Variants in ATP2B2 observed in about 807,000 individuals in gnomAD.
ATP2B2 encodes the protein ATPase plasma membrane Ca2+ transporting 2, also known as plasma membrane calcium-transporting ATPase 2.
In ATP2B2, 15 loss-of-function variants were observed where a neutral mutation model predicts 120.0. The ratio of observed to expected loss-of-function variants is 0.12; its 90% CI spans 0.08 to 0.19. The LOEUF (loss-of-function observed/expected upper bound fraction) is 0.19. Ranked by LOEUF, ATP2B2 falls within the 10% of genes least tolerant of loss-of-function variation. The probability of loss-of-function intolerance (pLI) is 1.00; values close to 1 mark genes in which losing one functional copy is unlikely to be tolerated. For synonymous variants in ATP2B2, 694 were observed against 700.3 expected, an observed-to-expected ratio of 0.99 and a Z score of 0.14; for missense variants, 1,045 against 1,719.8, an observed-to-expected ratio of 0.61 and a Z score of 6.94.
chr3:10,375,407 G>T lies in ATP2B2; in HGVS notation c.1416+23C>A. 1 of 1,594,114 alleles carries T rather than the reference G, an allele frequency of 6.3e-7. No individual in the cohort carries two copies. The highest frequency in any genetic ancestry group is 8.6e-7 in the Non-Finnish European group (1 of 1,165,730). ...CAGCTGCAGCTGCATCAGCCGGCTG[G>T]TCCTGCTCTCCTCCCCTCTCACCTT... On this transcript the variant is annotated intron_variant, in intron 11 of 22. Coordinates refer to ENST00000360273, the MANE Select transcript of ATP2B2 (RefSeq NM_001001331.4). The surrounding 1 kb of genome is among the most constrained non-coding windows in gnomAD (Gnocchi z 4.2).
chr3:10,580,112 G>A (rs1172071300), intron 2 of ATP2B2, among the ~76,000 whole-genome samples: 1 of 152,090 alleles, frequency 6.6e-6, no homozygotes, highest in African/African-American at 2.4e-5. Flanking sequence ...TGTGGATTAC[G>A]GGCCATGTAT....
At chr3:10,582,709 G>C (rs1311942872) in intron 2 of ATP2B2, among the ~76,000 whole-genome samples, 1 of 152,182 alleles carries the variant, frequency 6.6e-6, no homozygotes, top group Non-Finnish European at 1.5e-5. Context: ...GGTAAGTGTA[G>C]AGTCCCAGAG....
rs372404377 is a variant in ATP2B2 at position 10,386,577 on chromosome 3, A to G, written c.908-65T>C. On this transcript the variant is annotated intron_variant, in intron 6 of 22. Transcript: ENST00000360273. Reference sequence around the variant, plus strand: ...CACACAGCCTCATCTGCCCATGCGCACGCGCACACACACAAACACACATGT... The same window carrying G: ...CACACAGCCTCATCTGCCCATGCGCGCGCGCACACACACAAACACACATGT... 1,637 of 1,545,964 alleles carry G rather than the reference A, an allele frequency of 1.1e-3. 19 individuals are homozygous for G. In the African/African-American group the frequency reaches 0.019, roughly 18 times the overall value.
At chr3:10,614,523 T>G (rs1282320244) in intron 2 of ATP2B2, among the ~76,000 whole-genome samples, 3 of 152,210 alleles carry the variant, frequency 2.0e-5, no homozygotes, top group Non-Finnish European at 4.4e-5. Flanking sequence ...ATCACAAGAT[T>G]AAACATAGAA....
chr3:10,618,855 C>T (rs2069468242), intron 2 of ATP2B2, among the ~76,000 whole-genome samples: 2 of 152,222 alleles, frequency 1.3e-5, no homozygotes, highest in Admixed American at 6.5e-5. Flanking sequence ...GAAGTAACCA[C>T]AGCTAACCTA....
At chr3:10,667,088 C>T (rs2070959854) in intron 1 of ATP2B2, among the ~76,000 whole-genome samples, 1 of 152,216 alleles carries the variant, frequency 6.6e-6, no homozygotes, top group African/African-American at 2.4e-5. Flanking sequence ...GACTGTGTTT[C>T]CTCTCTTGGG....
chr3:10,672,536 A>C (rs1266331007), intron 1 of ATP2B2, among the ~76,000 whole-genome samples: 1 of 152,236 alleles, frequency 6.6e-6, no homozygotes, highest in Non-Finnish European at 1.5e-5. Flanking sequence ...TGCATTCCGC[A>C]CAAGGCAGTT....
chr3:10,625,144 C>T (rs2069660169), intron 1 of ATP2B2, among the ~76,000 whole-genome samples: 1 of 152,224 alleles, frequency 6.6e-6, no homozygotes, highest in South Asian at 2.1e-4. Context: ...ACGTGGTATT[C>T]TGGCTACACA....
intron 2 of ATP2B2, among the ~76,000 whole-genome samples, chr3:10,606,880 A>AACACACACACACACACAC (rs147614282): frequency 1.7e-4 from 17 of 100,080 alleles, no homozygotes; most frequent in Admixed American, 9.8e-4. Context: ...ACGGAGTCTA[A>AACACACACACACACACAC]ACACACACAC....
chr3:10,515,237 C>A (rs1013858922), intron 3 of ATP2B2, among the ~76,000 whole-genome samples: 1 of 152,096 alleles, frequency 6.6e-6, no homozygotes, highest in South Asian at 2.1e-4. Context: ...ACAATACCTG[C>A]AATTATGGGA....
intron 1 of ATP2B2, among the ~76,000 whole-genome samples, chr3:10,679,845 G>A (rs1461092685): frequency 6.6e-6 from 1 of 152,104 alleles, no homozygotes; most frequent in Non-Finnish European, 1.5e-5. Flanking sequence ...ACCCAATGCA[G>A]GATTGTGGTA....
intron 22 of ATP2B2, among the ~76,000 whole-genome samples, chr3:10,334,299 G>A (rs2060058920): frequency 6.6e-6 from 1 of 152,222 alleles, no homozygotes; most frequent in South Asian, 2.1e-4. Context: ...CCGGAGGGCC[G>A]CAGGAGTCAT....
At chr3:10,593,767 G>A (rs2125581352) in intron 2 of ATP2B2, among the ~76,000 whole-genome samples, 1 of 152,292 alleles carries the variant, frequency 6.6e-6, no homozygotes, top group South Asian at 2.1e-4. Flanking sequence ...TACCGTCAGA[G>A]TGAACAGGCA....
chr3:10,417,951 T>C (rs908499790), intron 2 of ATP2B2, among the ~76,000 whole-genome samples: 8 of 152,234 alleles, frequency 5.3e-5, no homozygotes, highest in Admixed American at 1.3e-4. Flanking sequence ...TTGTACCCTT[T>C]GTCCCCAGTG....
At chr3:10,681,371 G>A (rs994599822) in intron 1 of ATP2B2, among the ~76,000 whole-genome samples, 6 of 152,162 alleles carry the variant, frequency 3.9e-5, no homozygotes, top group African/African-American at 1.2e-4. Flanking sequence ...TGTGTGCTGG[G>A]AACCTCCTCG....
intron 1 of ATP2B2, among the ~76,000 whole-genome samples, chr3:10,458,125 G>T (rs60892950): frequency 7.2e-6 from 1 of 139,590 alleles, no homozygotes; most frequent in South Asian, 2.1e-4. Context: ...TTGACCATTA[G>T]CTGTCTGTCC....
At chr3:10,398,972 A>T (rs2062132805) in intron 5 of ATP2B2, among the ~76,000 whole-genome samples, 1 of 152,002 alleles carries the variant, frequency 6.6e-6, no homozygotes, top group Admixed American at 6.5e-5. Context: ...TGCCCGTCGT[A>T]TCTTTTCCAG....
intron 2 of ATP2B2, among the ~76,000 whole-genome samples, chr3:10,563,047 A>G (rs778918240): frequency 3.3e-5 from 5 of 152,164 alleles, no homozygotes; most frequent in Admixed American, 6.5e-5. Flanking sequence ...ACTTTGTCAT[A>G]TTGTATAAAT....
chr3:10,673,166 T>C (rs908327772), intron 1 of ATP2B2, among the ~76,000 whole-genome samples: 9 of 152,180 alleles, frequency 5.9e-5, no homozygotes, highest in Non-Finnish European at 1.2e-4. Context: ...ATCAGTTCCG[T>C]CACCATTGCT....
Sources: gnomAD v4.1 joint callset for allele counts (sites outside exome capture counted in the v4.1 genomes callset) on GRCh38, gnomAD v4.1.1 for gene constraint, Gnocchi (gnomAD v3.1) non-coding constraint, MANE v1.5 for transcripts, NCBI Gene and HGNC (gene_info 2026-07-23, HGNC 2026-07-21) for gene names.